The following RAD51B variants were observed in gnomAD, a reference collection of about 807,000 sequenced individuals.
RAD51B encodes the protein RAD51 paralog B, also known as DNA repair protein RAD51 homolog 2.
RAD51B carries 38 observed loss-of-function variants against 42.2 expected under a neutral mutation model. The ratio of observed to expected loss-of-function variants is 0.90; its 90% CI spans 0.70 to 1.18. The LOEUF (loss-of-function observed/expected upper bound fraction) is 1.18, where lower values mean the gene tolerates loss of function less well. RAD51B is among the 50% of genes most tolerant of loss of function. The probability of loss-of-function intolerance (pLI) is 0.00; values close to 1 mark genes in which losing one functional copy is unlikely to be tolerated. For missense variants in RAD51B, 373 were observed against 400.7 expected (o/e 0.93, Z 0.59); for synonymous variants, 154 against 145.2 (o/e 1.06, Z -0.43).
intron 10 of RAD51B, among the ~76,000 whole-genome samples, chr14:68,579,440 G>A (rs1890114013): frequency 6.6e-6 from 1 of 152,194 alleles, no homozygotes; most frequent in Admixed American, 6.5e-5. Context: ...GTCCTGGGAG[G>A]CAGGCTGGGT....
At chr14:68,180,584 T>C (rs1223158446) in intron 7 of RAD51B, among the ~76,000 whole-genome samples, 1 of 152,166 alleles carries the variant, frequency 6.6e-6, no homozygotes, top group African/African-American at 2.4e-5. Context: ...TTATCGCCAC[T>C]TTACAAATAT....
At chr14:68,378,646 T>A (rs910581212) in intron 8 of RAD51B, among the ~76,000 whole-genome samples, 2 of 152,216 alleles carry the variant, frequency 1.3e-5, no homozygotes, top group African/African-American at 4.8e-5. Context: ...GTATTTTAAA[T>A]TTGTATTATT....
chr14:68,646,640 T>C (rs930216489), intron 10 of RAD51B, among the ~76,000 whole-genome samples: 1 of 152,216 alleles, frequency 6.6e-6, no homozygotes, highest in Non-Finnish European at 1.5e-5. Flanking sequence ...CCCTTCTTAC[T>C]TAGATTACAT....
intron 7 of RAD51B, among the ~76,000 whole-genome samples, chr14:68,273,771 C>T (rs375093724): frequency 6.6e-6 from 1 of 152,104 alleles, no homozygotes; most frequent in Non-Finnish European, 1.5e-5. Context: ...ACTGCAGCCT[C>T]GAACTCCTGG....
chr14:68,503,733 T>A (rs1885085784), intron 10 of RAD51B, among the ~76,000 whole-genome samples: 1 of 152,216 alleles, frequency 6.6e-6, no homozygotes, highest in Non-Finnish European at 1.5e-5. Context: ...TCCATAAATA[T>A]TTATTAAATT....
intron 10 of RAD51B, among the ~76,000 whole-genome samples, chr14:68,580,551 C>T (rs961296103): frequency 2.0e-5 from 3 of 152,182 alleles, no homozygotes; most frequent in Non-Finnish European, 2.9e-5. Flanking sequence ...TTGTTATACA[C>T]GTGGGCTTTA....
At chr14:68,277,781 C>A (rs1483504986) in intron 7 of RAD51B, among the ~76,000 whole-genome samples, 1 of 152,080 alleles carries the variant, frequency 6.6e-6, no homozygotes, top group Admixed American at 6.6e-5. Context: ...CTTTGTCATC[C>A]AGGCTGGAGT....
At chr14:68,144,335 A>G (rs2078206339) in intron 7 of RAD51B, among the ~76,000 whole-genome samples, 1 of 152,216 alleles carries the variant, frequency 6.6e-6, no homozygotes, top group African/African-American at 2.4e-5. Flanking sequence ...CGGCTGAGCA[A>G]AGAGGCACTT....
At chr14:67,837,684 T>C (rs747356212) in intron 4 of RAD51B, among the ~76,000 whole-genome samples, 3 of 152,198 alleles carry the variant, frequency 2.0e-5, no homozygotes, top group Non-Finnish European at 2.9e-5. Flanking sequence ...AATAATTGTA[T>C]ATATTTATGG....
chr14:67,877,761 C>G (rs1439144424), intron 5 of RAD51B, among the ~76,000 whole-genome samples: 4 of 152,328 alleles, frequency 2.6e-5, no homozygotes, highest in East Asian at 3.9e-4. Flanking sequence ...TTACTGGGTA[C>G]AAGGGATCCC....
At chr14:67,907,462 A>T (rs905912361) in intron 7 of RAD51B, among the ~76,000 whole-genome samples, 2 of 152,008 alleles carry the variant, frequency 1.3e-5, no homozygotes, top group African/African-American at 4.8e-5. Context: ...TCAGATAAGG[A>T]CTTGTTTCTG....
At chr14:68,167,479 T>C (rs2078777302) in intron 7 of RAD51B, among the ~76,000 whole-genome samples, 2 of 152,156 alleles carry the variant, frequency 1.3e-5, no homozygotes. Context: ...AGAGATTATG[T>C]CTTGTTTATT....
intron 10 of RAD51B, among the ~76,000 whole-genome samples, chr14:68,547,736 G>A (rs768193748): frequency 3.3e-5 from 5 of 152,148 alleles, no homozygotes; most frequent in African/African-American, 7.2e-5. Flanking sequence ...TTTTCCTTCC[G>A]GGGAGAGAAC....
At chr14:68,109,031 A>G (rs436183) in intron 7 of RAD51B, among the ~76,000 whole-genome samples, 1 of 151,830 alleles carries the variant, frequency 6.6e-6, no homozygotes, top group South Asian at 2.1e-4. Context: ...AATATGATAT[A>G]TTTTCTTCTT....
chr14:68,245,804 G>T (rs1080321), intron 7 of RAD51B, among the ~76,000 whole-genome samples: 30,411 of 152,054 alleles, frequency 0.2, 3,526 homozygotes, highest in Middle Eastern at 0.37. Context: ...GTGGAGGTAG[G>T]GTTCACCTCC....
chr14:68,662,167 T>C (rs976085141), intron 11 of RAD51B, among the ~76,000 whole-genome samples: 4 of 152,234 alleles, frequency 2.6e-5, no homozygotes, highest in Admixed American at 2.6e-4. Flanking sequence ...CTTCTTCAGT[T>C]AATGTCACCT....
chr14:68,296,898 G>A (rs918570934), intron 8 of RAD51B, among the ~76,000 whole-genome samples: 4 of 152,208 alleles, frequency 2.6e-5, no homozygotes, highest in Admixed American at 2.0e-4. Flanking sequence ...AATGTAAAAT[G>A]TGTGGATAGG....
intron 7 of RAD51B, among the ~76,000 whole-genome samples, chr14:68,281,819 CCT>C (rs1309046272): frequency 6.6e-6 from 1 of 152,152 alleles, no homozygotes; most frequent in African/African-American, 2.4e-5. Context: ...GCCTCACCTT[CCT>C]CTCTAGCGAC....
chr14:68,551,827 C>G (rs1456334287), intron 10 of RAD51B, among the ~76,000 whole-genome samples: 1 of 152,216 alleles, frequency 6.6e-6, no homozygotes, highest in African/African-American at 2.4e-5. Flanking sequence ...GTGTTACCAT[C>G]AGTTACATTT....
Sources: gnomAD v4.1 joint callset for allele counts (sites outside exome capture counted in the v4.1 genomes callset) on GRCh38, gnomAD v4.1.1 for gene constraint, MANE v1.5 for transcripts, NCBI Gene and HGNC (gene_info 2026-07-23, HGNC 2026-07-21) for gene names.